The following RBMS1 variants were observed in gnomAD, a reference collection of about 807,000 sequenced individuals.
The protein encoded by RBMS1 is RNA binding motif single stranded interacting protein 1.
RBMS1 carries 17 observed loss-of-function variants against 62.3 expected under a neutral mutation model. That is an observed-to-expected ratio of 0.27 (90% CI 0.19 to 0.41). The LOEUF (loss-of-function observed/expected upper bound fraction) is 0.41. Among genes scored for constraint, RBMS1 ranks in the 10% least tolerant of loss-of-function variants. RBMS1 has a pLI of 1.00. For synonymous variants in RBMS1, 172 were observed against 170.0 expected (o/e 1.01, Z -0.09); for missense variants, 334 against 504.5 (o/e 0.66, Z 3.24).
chr2:160,426,274 AAAG>A (rs1209407536), intron 1 of RBMS1, among the ~76,000 whole-genome samples: 393 of 125,868 alleles, frequency 3.1e-3, no homozygotes, highest in African/African-American at 5.6e-3. Context: ...AGAAAGAAAG[AAAG>A]AAAGAAAGAA....
At chr2:160,324,187 T>G (rs1435027229) in intron 2 of RBMS1, among the ~76,000 whole-genome samples, 1 of 152,224 alleles carries the variant, frequency 6.6e-6, no homozygotes, top group Non-Finnish European at 1.5e-5. Context: ...TTGGTGCATA[T>G]CATTATAGAC....
chr2:160,347,799 T>C (rs1017185979), intron 2 of RBMS1, among the ~76,000 whole-genome samples: 1 of 152,130 alleles, frequency 6.6e-6, no homozygotes, highest in Non-Finnish European at 1.5e-5. Flanking sequence ...TCAAGGGCAA[T>C]GTCTCAAATC....
chr2:160,440,402 C>T (rs1172745622), intron 1 of RBMS1, among the ~76,000 whole-genome samples: 1 of 152,158 alleles, frequency 6.6e-6, no homozygotes, highest in Non-Finnish European at 1.5e-5. Flanking sequence ...TCAGCTCCAC[C>T]TTCAGCATAC....
At chr2:160,326,768 A>G (rs182699391) in intron 2 of RBMS1, among the ~76,000 whole-genome samples, 58 of 152,298 alleles carry the variant, frequency 3.8e-4, no homozygotes, top group African/African-American at 1.4e-3. Context: ...GAGGGGGTGA[A>G]TGGAAAGGCT....
chr2:160,477,364 A>C (rs575945290), intron 1 of RBMS1, among the ~76,000 whole-genome samples: 68 of 152,288 alleles, frequency 4.5e-4, no homozygotes, highest in Non-Finnish European at 9.1e-4. Context: ...ACAACAAAAA[A>C]AAATTAATTA....
At position 160,324,882 on chromosome 2, in the gene RBMS1, G is replaced by GTATATA. The variant is rs201492090; in HGVS notation, c.252-6661_252-6656dup. ...CTAAGCGAGATGTGTGTGTGTGTGTGTATATATATATATATATATATATAT... is the reference window on the plus strand; with the variant it reads ...CTAAGCGAGATGTGTGTGTGTGTGTGTATATATATATATATATATATATATATATAT... On this transcript the variant is annotated intron_variant, in intron 2 of 13. Coordinates refer to ENST00000348849, the MANE Select transcript of RBMS1 (RefSeq NM_016836.4). 7.2e-3 allele frequency among the ~76,000 whole-genome samples: 719 copies of GTATATA among 99,912 alleles called. 9 individuals are homozygous for GTATATA. Among genetic ancestry groups the GTATATA allele is most frequent in the Middle Eastern group, 0.038 (7 of 184 alleles). 65.5% of individuals were successfully genotyped at this position (99,912 alleles called of 152,430 possible).
intron 1 of RBMS1, among the ~76,000 whole-genome samples, chr2:160,443,216 A>C (rs1446733379): frequency 2.7e-5 from 4 of 149,400 alleles, no homozygotes; most frequent in South Asian, 2.2e-4. Context: ...GAAAACAAAA[A>C]AAAAAACAAA....
chr2:160,324,878 GTGTGTA>G (rs1169252004), intron 2 of RBMS1, among the ~76,000 whole-genome samples: 20 of 75,402 alleles, frequency 2.7e-4, no homozygotes, highest in Admixed American at 7.6e-4. Context: ...GTGTGTGTGT[GTGTGTA>G]TATATATATA....
chr2:160,290,405 T>C (rs1270681606), intron 6 of RBMS1, among the ~76,000 whole-genome samples: 1 of 152,138 alleles, frequency 6.6e-6, no homozygotes, highest in African/African-American at 2.4e-5. Context: ...TGGTTACTTT[T>C]CCAGATTAGC....
At chr2:160,410,339 G>A (rs1380475981) in intron 1 of RBMS1, among the ~76,000 whole-genome samples, 2 of 151,484 alleles carry the variant, frequency 1.3e-5, no homozygotes, top group African/African-American at 2.4e-5. Context: ...AGAATATAAG[G>A]CATATATGTT....
intron 1 of RBMS1, among the ~76,000 whole-genome samples, chr2:160,479,455 G>T (rs1300278226): frequency 6.6e-6 from 1 of 152,234 alleles, no homozygotes; most frequent in Non-Finnish European, 1.5e-5. Context: ...ACCTCAGACA[G>T]AGTGACCATT....
chr2:160,303,794 C>T (rs976558093), intron 4 of RBMS1, among the ~76,000 whole-genome samples: 1 of 152,164 alleles, frequency 6.6e-6, no homozygotes, highest in African/African-American at 2.4e-5. Flanking sequence ...TAACTGACCT[C>T]TCCTCCACTG....
intron 1 of RBMS1, among the ~76,000 whole-genome samples, chr2:160,389,797 GT>G (rs570423784): frequency 8.4e-4 from 114 of 135,868 alleles, no homozygotes; most frequent in African/African-American, 1.7e-3. Context: ...AAAATTACTA[GT>G]TTTTTTTTTT....
intron 1 of RBMS1, among the ~76,000 whole-genome samples, chr2:160,476,444 T>C (rs1317925102): frequency 6.6e-6 from 1 of 152,178 alleles, no homozygotes; most frequent in African/African-American, 2.4e-5. Context: ...TATTCCTCTT[T>C]ATCATGTTGG....
chr2:160,349,557 G>GAA (rs2106003648), intron 2 of RBMS1, among the ~76,000 whole-genome samples: 1 of 146,210 alleles, frequency 6.8e-6, no homozygotes, highest in East Asian at 2.0e-4. Flanking sequence ...GACAGAAAGA[G>GAA]AGAGAGAGAG....
At chr2:160,381,474 A>C (rs1306691399) in intron 1 of RBMS1, among the ~76,000 whole-genome samples, 1 of 152,208 alleles carries the variant, frequency 6.6e-6, no homozygotes, top group African/African-American at 2.4e-5. Flanking sequence ...TTGAGCATTT[A>C]CTCTGTTTTT....
intron 1 of RBMS1, among the ~76,000 whole-genome samples, chr2:160,390,305 G>T (rs1276283767): frequency 6.6e-6 from 1 of 152,184 alleles, no homozygotes; most frequent in African/African-American, 2.4e-5. Flanking sequence ...AAAGAAGAGA[G>T]GGACACAAAC....
At chr2:160,313,084 G>GA in intron 4 of RBMS1, 72 bp downstream of exon 4, 3 of 1,446,520 alleles carry the variant, frequency 2.1e-6, no homozygotes, top group Non-Finnish European at 2.9e-6. Context: ...GATGCAGATA[G>GA]AAAAAGCAGA....
At chr2:160,478,314 T>C (rs1685227053) in intron 1 of RBMS1, among the ~76,000 whole-genome samples, 1 of 152,214 alleles carries the variant, frequency 6.6e-6, no homozygotes, top group Non-Finnish European at 1.5e-5. Flanking sequence ...TGAAGGACGC[T>C]TAAAACAGTG....
Sources: gnomAD v4.1 joint callset for allele counts (sites outside exome capture counted in the v4.1 genomes callset) on GRCh38, gnomAD v4.1.1 for gene constraint, MANE v1.5 for transcripts, NCBI Gene and HGNC (gene_info 2026-07-23, HGNC 2026-07-21) for gene names.